Variants in MYBPC2 observed in about 807,000 individuals in gnomAD.
The protein encoded by MYBPC2 is myosin-binding protein C, fast-type.
In MYBPC2, 122 loss-of-function variants were observed where a neutral mutation model predicts 137.0. The ratio of observed to expected loss-of-function variants is 0.89; its 90% confidence interval spans 0.77 to 1.03. MYBPC2 has a LOEUF of 1.03. MYBPC2 is among the 50% of genes least tolerant of loss of function. The probability of loss-of-function intolerance (pLI) is 0.00; values close to 1 mark genes in which losing one functional copy is unlikely to be tolerated. For missense variants in MYBPC2, 1,500 were observed against 1,534.4 expected (o/e 0.98, Z 0.37); for synonymous variants, 626 against 612.3 (o/e 1.02, Z -0.33).
chr19:50,445,802 C>A, intron 11 of MYBPC2, 78 bp from the exon 12 acceptor site: 3 of 1,412,814 alleles, frequency 2.1e-6, no homozygotes, highest in Non-Finnish European at 2.9e-6. Context: ...TCTGCATGGG[C>A]CCCCGACTGA....
In MYBPC2 at chr19:50,454,070, C is replaced by A; in HGVS notation, c.1800C>A (p.Cys600Ter). ...CCCGCATCGAGAAGCGGGTGGACTG[C>A]AGCAGCTTTGTGATTGAGAGTGCGC... ...GRTRIEKRVD[C>*]SSFVIESAQR... Residue 600 changes from cysteine (C) to a stop codon, truncating the protein, a stop_gained, in exon 17 of 28, where the codon TGC (cysteine) becomes TGA (stop). Coordinates refer to ENST00000357701, the MANE Select transcript of MYBPC2 (RefSeq NM_004533.4). LOFTEE classifies it high-confidence loss of function. 6.2e-7 allele frequency: 1 copy of A among 1,610,542 alleles called. No homozygotes were observed. Among genetic ancestry groups the A allele is most frequent in the Non-Finnish European group, 8.5e-7 (1 of 1,178,526 alleles).
Position 50,450,854 on chromosome 19 carries a change from G to A in MYBPC2, c.1498G>A (p.Val500Ile), listed in dbSNP as rs973574986. ...GTTCCACAAGCTGGTGATCGATGAC[G>A]TCCGCCCCGAGGATGAGGGAGACTA... ...GRFHKLVIDDVRPEDEGDYTF... is the reference protein window; with the variant it reads ...GRFHKLVIDDIRPEDEGDYTF... The change falls in exon 14 of 28, where the codon GTC becomes ATC. Residue 500 changes from valine (V) to isoleucine (I), a missense_variant. By Grantham distance (29) the Val-to-Ile change is conservative (BLOSUM62 3). Coordinates refer to ENST00000357701, the MANE Select transcript of MYBPC2 (RefSeq NM_004533.4). 2.3e-5 allele frequency: 37 copies of A among 1,575,664 alleles called. No homozygotes were observed. The highest frequency in any genetic ancestry group is 5.5e-5 in the Admixed American group (3 of 54,418).
rs747960642 is a variant in MYBPC2, at chr19:50,432,945, T to TC, written c.-4dup. 1.2e-6 allele frequency: 2 copies of TC among 1,605,364 alleles called. No homozygotes were observed. The highest frequency in any genetic ancestry group is 4.5e-5 in the East Asian group (2 of 44,280). On this transcript the variant is annotated 5_prime_UTR_variant, in exon 1 of 28. Coordinates refer to ENST00000357701, the MANE Select transcript of MYBPC2 (RefSeq NM_004533.4). The surrounding 1 kb of genome is among the most constrained non-coding windows in gnomAD (Gnocchi z 5.5). ...CTGCGGTCAGAGGAGCAGGAGGAGGTCCCCCGACATGCCTGAGGCAAAACC... is the reference window on the plus strand; with the variant it reads ...CTGCGGTCAGAGGAGCAGGAGGAGGTCCCCCCGACATGCCTGAGGCAAAACC...
At chr19:50,450,764 G>A in intron 13 of MYBPC2, 65 bp from the exon 14 acceptor site, 1 of 1,195,920 alleles carries the variant, frequency 8.4e-7, no homozygotes. Context: ...GATTGAGGCG[G>A]TGCAGCCCCA....
At position 50,435,008 on chromosome 19, in the gene MYBPC2, G is replaced by A. The variant is rs1008224261; in HGVS notation, c.20-153G>A. On this transcript the variant is annotated intron_variant, in intron 1 of 27. Transcript: ENST00000357701. The surrounding 1 kb of genome is among the most constrained non-coding windows in gnomAD (Gnocchi z 4.8). The stretch of plus-strand genomic sequence containing the variant: ...GGGTCTGAGGGAGGAGGGGCTGGGG[G>A]CCTGGACTCCTGGGTCTGAGGGAGG... Among the ~76,000 whole-genome samples, 1 of 137,962 alleles carries A rather than the reference G, an allele frequency of 7.2e-6. No individual in the cohort carries two copies. Among genetic ancestry groups the A allele is most frequent in the Admixed American group, 6.9e-5 (1 of 14,552 alleles). 90.5% of individuals were successfully genotyped at this position (137,962 alleles called of 152,430 possible).
At chr19:50,452,504 GTATGTATC>G (rs1285290430) in intron 16 of MYBPC2, among the ~76,000 whole-genome samples, 14 of 102,976 alleles carry the variant, frequency 1.4e-4, no homozygotes, top group East Asian at 3.5e-4. Context: ...ATGTATGTAT[GTATGTATC>G]TATCTATCTA....
intron 20 of MYBPC2, among the ~76,000 whole-genome samples, chr19:50,457,923 G>C (rs916016046): frequency 2.7e-5 from 4 of 150,308 alleles, no homozygotes; most frequent in Non-Finnish European, 5.9e-5. Flanking sequence ...CAAGTGATCT[G>C]CCCACCTCAG....
chr19:50,454,429 T>G (rs1237997060), intron 18 of MYBPC2, 60 bp downstream of exon 18: 23 of 1,370,920 alleles, frequency 1.7e-5, no homozygotes, highest in East Asian at 1.2e-4. Context: ...TGTTTTTTTT[T>G]TTTTTTTTTT....
intron 9 of MYBPC2, among the ~76,000 whole-genome samples, chr19:50,442,743 A>G (rs1300543077): frequency 6.6e-6 from 1 of 152,112 alleles, no homozygotes; most frequent in African/African-American, 2.4e-5. Flanking sequence ...AACAACAACA[A>G]CAAACACATC....
At chr19:50,443,852 GCA>G in intron 11 of MYBPC2, 36 bp downstream of exon 11, 1 of 1,576,842 alleles carries the variant, frequency 6.3e-7, no homozygotes, top group Middle Eastern at 1.7e-4. Flanking sequence ...CCATACAGGT[GCA>G]CATAGTTTCT....
intron 11 of MYBPC2, among the ~76,000 whole-genome samples, chr19:50,444,837 G>A (rs1322963142): frequency 7.4e-6 from 1 of 134,716 alleles, no homozygotes; most frequent in Non-Finnish European, 1.5e-5. Context: ...CCGAGATCGC[G>A]CCACTGCACT....
At chr19:50,450,534 G>T (rs554698080) in intron 13 of MYBPC2, among the ~76,000 whole-genome samples, 1 of 152,228 alleles carries the variant, frequency 6.6e-6, no homozygotes, top group Admixed American at 6.5e-5. Context: ...TTCCCAAAGT[G>T]CTGGGATTAC....
At chr19:50,449,819 CCT>C (rs1474025385) in intron 13 of MYBPC2, among the ~76,000 whole-genome samples, 1 of 152,090 alleles carries the variant, frequency 6.6e-6, no homozygotes, top group African/African-American at 2.4e-5. Context: ...GTAGGTTTTC[CCT>C]GTGTTCTGTG....
At chr19:50,444,546 G>A (rs1055032207) in intron 11 of MYBPC2, among the ~76,000 whole-genome samples, 1 of 152,236 alleles carries the variant, frequency 6.6e-6, no homozygotes. Flanking sequence ...CTGTTGTGTG[G>A]TGTACTCTTC....
Position 50,461,512 on chromosome 19 carries a change from C to A in MYBPC2, c.2932-30C>A, listed in dbSNP as rs999715072. ...AATCGTGTGATCCTGTGGCCCCGACCCGCCTGGTCCCTCCCTGTCCCCACA... is the reference window on the plus strand; with the variant it reads ...AATCGTGTGATCCTGTGGCCCCGACACGCCTGGTCCCTCCCTGTCCCCACA... On this transcript the variant is annotated intron_variant, in intron 24 of 27. Coordinates refer to ENST00000357701, the MANE Select transcript of MYBPC2 (RefSeq NM_004533.4). 3.1e-6 allele frequency: 5 copies of A among 1,605,572 alleles called. No homozygotes were observed. The African/African-American group carries it at 6.7e-5, about 21-fold the overall frequency.
chr19:50,451,049 A>G (rs973676103), intron 14 of MYBPC2, 114 bp downstream of exon 14: 5 of 1,079,602 alleles, frequency 4.6e-6, no homozygotes, highest in South Asian at 2.9e-5. Flanking sequence ...TGAGGACGAC[A>G]GCAAGCGTCT....
intron 7 of MYBPC2, among the ~76,000 whole-genome samples, chr19:50,440,678 C>CAAAAAAA: frequency 7.1e-6 from 1 of 140,400 alleles, no homozygotes; most frequent in Non-Finnish European, 1.5e-5. Flanking sequence ...AAAAAAAAAC[C>CAAAAAAA]AAAAAACCCA....
intron 24 of MYBPC2, among the ~76,000 whole-genome samples, 192 bp from the exon 25 acceptor site, chr19:50,461,350 T>G (rs1001238800): frequency 1.2e-4 from 18 of 152,170 alleles, no homozygotes; most frequent in Admixed American, 1.2e-3. Flanking sequence ...CCGACTGTTT[T>G]GTTTGTCCAT....
At chr19:50,433,089 A>C (rs1161697568) in intron 1 of MYBPC2, 117 bp downstream of exon 1, 2 of 1,321,134 alleles carry the variant, frequency 1.5e-6, no homozygotes, top group Non-Finnish European at 2.0e-6. Context: ...TGTGAGGAGG[A>C]GGCTCCCTTT....
Sources: allele counts gnomAD v4.1 joint callset (sites outside exome capture counted in the v4.1 genomes callset), GRCh38; gene constraint gnomAD v4.1.1; non-coding constraint Gnocchi (gnomAD v3.1); transcripts MANE v1.5; gene names NCBI Gene and HGNC (gene_info 2026-07-23, HGNC 2026-07-21).